LRRC37A2: variants seen among roughly 807,000 people sequenced by gnomAD.
LRRC37A2 encodes leucine-rich repeat-containing protein 37A2.
In LRRC37A2, 9 loss-of-function variants were observed where a neutral mutation model predicts 68.8. The observed-to-expected ratio is 0.13, with a 90% CI of 0.08 to 0.23. LRRC37A2 has a LOEUF of 0.23. LRRC37A2 is among the 10% of genes least tolerant of loss of function. The pLI is 1.00. For synonymous variants in LRRC37A2, 63 were observed against 367.6 expected (o/e 0.17, Z 9.48); for missense variants, 168 against 950.4 (o/e 0.18, Z 10.82).
the LRRC37A2 span, among the ~76,000 whole-genome samples, chr17:46,843,285 A>T: frequency 6.6e-6 from 1 of 152,268 alleles, no homozygotes; most frequent in African/African-American, 2.4e-5. Flanking sequence ...TCTCACTCCA[A>T]AGTAGAACTT....
At chr17:46,788,717 C>T in the LRRC37A2 span, among the ~76,000 whole-genome samples, 440 of 152,174 alleles carry the variant, frequency 2.9e-3, 3 homozygotes, top group African/African-American at 0.01. Context: ...CTAGCACCTG[C>T]TTCAGCAGGT....
the LRRC37A2 span, chr17:46,487,065 G>T: frequency 4.2e-5 from 32 of 766,860 alleles, 7 homozygotes; most frequent in Admixed American, 9.0e-4. Flanking sequence ...AAGTGGAAGT[G>T]GACATGGAGA....
chr17:47,045,028 C>G, the LRRC37A2 span, among the ~76,000 whole-genome samples: 2 of 148,424 alleles, frequency 1.3e-5, no homozygotes, highest in Non-Finnish European at 3.0e-5. Flanking sequence ...ACAAAAGAAA[C>G]ACCTTTGTGG....
At chr17:47,027,547 C>T in the LRRC37A2 span, 6 of 1,273,572 alleles carry the variant, frequency 4.7e-6, no homozygotes, top group South Asian at 6.0e-5. Context: ...TTTCCTTTTC[C>T]TTTTCCTAGA....
the LRRC37A2 span, among the ~76,000 whole-genome samples, chr17:46,759,411 C>T: frequency 6.6e-6 from 1 of 152,226 alleles, no homozygotes; most frequent in Non-Finnish European, 1.5e-5. Context: ...GATTGGCAAG[C>T]ATCCCAAGTG....
the LRRC37A2 span, among the ~76,000 whole-genome samples, chr17:46,745,416 G>A: frequency 6.6e-6 from 1 of 152,204 alleles, no homozygotes; most frequent in Non-Finnish European, 1.5e-5. Flanking sequence ...TTGGAGTCTT[G>A]TTAAACAAGA....
chr17:46,551,365 C>T (rs1233870659), intron 11 of LRRC37A2, among the ~76,000 whole-genome samples: 3 of 150,636 alleles, frequency 2.0e-5, no homozygotes, highest in Non-Finnish European at 2.9e-5. Flanking sequence ...GCAACCTTGA[C>T]GCTATGCCAC....
the LRRC37A2 span, chr17:46,938,569 T>C: frequency 1.2e-6 from 2 of 1,612,538 alleles, no homozygotes; most frequent in Non-Finnish European, 1.7e-6. Context: ...ACTTGATGTT[T>C]GTTTTTTTTT....
chr17:46,961,215 AATAAT>A, the LRRC37A2 span, among the ~76,000 whole-genome samples: 1 of 152,294 alleles, frequency 6.6e-6, no homozygotes, highest in South Asian at 2.1e-4. Context: ...AAAAAACAGA[AATAAT>A]ATGTATAATT....
the LRRC37A2 span, among the ~76,000 whole-genome samples, chr17:46,973,931 G>T: frequency 2.6e-5 from 4 of 152,184 alleles, no homozygotes; most frequent in African/African-American, 9.7e-5. Context: ...CACCCCCAAA[G>T]CTCAAGGCTT....
the LRRC37A2 span, among the ~76,000 whole-genome samples, chr17:46,904,759 A>C: frequency 6.6e-6 from 1 of 152,208 alleles, no homozygotes; most frequent in South Asian, 2.1e-4. Context: ...GGAGACTTGC[A>C]TGAAGCCTTC....
the LRRC37A2 span, among the ~76,000 whole-genome samples, chr17:47,006,855 A>G: frequency 6.6e-6 from 1 of 152,264 alleles, no homozygotes; most frequent in African/African-American, 2.4e-5. Context: ...AAGGACTTAG[A>G]TAAAAGACAA....
chr17:46,771,105 C>A, the LRRC37A2 span, among the ~76,000 whole-genome samples: 7 of 152,230 alleles, frequency 4.6e-5, no homozygotes, highest in Non-Finnish European at 1.5e-5. Flanking sequence ...GCCCGGGACC[C>A]CTCTTGGCTC....
chr17:46,788,691 C>T, the LRRC37A2 span, among the ~76,000 whole-genome samples: 66 of 152,296 alleles, frequency 4.3e-4, 1 homozygote, highest in African/African-American at 1.5e-3. Context: ...TTCTTTCACT[C>T]GTTTCCATGT....
At chr17:46,749,103 T>C in the LRRC37A2 span, among the ~76,000 whole-genome samples, 1 of 152,076 alleles carries the variant, frequency 6.6e-6, no homozygotes, top group East Asian at 1.9e-4. Context: ...AAACCAGTAA[T>C]GTAACATTAT....
At chr17:46,927,553 G>C in the LRRC37A2 span, among the ~76,000 whole-genome samples, 3 of 152,204 alleles carry the variant, frequency 2.0e-5, no homozygotes, top group Admixed American at 1.3e-4. Flanking sequence ...AAGTGAGCTT[G>C]AGTTTATTTT....
the LRRC37A2 span, among the ~76,000 whole-genome samples, chr17:46,725,368 G>A: frequency 6.6e-6 from 1 of 152,102 alleles, no homozygotes; most frequent in Non-Finnish European, 1.5e-5. Flanking sequence ...ACAGAGTGTG[G>A]GAGGGTAATT....
the LRRC37A2 span, among the ~76,000 whole-genome samples, chr17:47,042,971 T>C: frequency 1.3e-5 from 2 of 149,870 alleles, no homozygotes; most frequent in Non-Finnish European, 1.5e-5. Context: ...TTATATAACC[T>C]CTCTGTGCCT....
At chr17:46,902,225 C>T in the LRRC37A2 span, among the ~76,000 whole-genome samples, 28 of 152,218 alleles carry the variant, frequency 1.8e-4, 1 homozygote, top group South Asian at 4.4e-3. Context: ...CTGGGAAGTC[C>T]GGGTGGTGCA....
Sources: gnomAD v4.1 joint callset for allele counts (sites outside exome capture counted in the v4.1 genomes callset) on GRCh38, gnomAD v4.1.1 for gene constraint, MANE v1.5 for transcripts, NCBI Gene and HGNC (gene_info 2026-07-23, HGNC 2026-07-21) for gene names.